CSMD2: variants seen among roughly 807,000 people sequenced by gnomAD.
CSMD2 encodes CUB and sushi domain-containing protein 2.
Under a neutral mutation model 398.5 loss-of-function variants are expected in CSMD2, and 130 were observed. That is an observed-to-expected ratio of 0.33 (90% CI 0.28 to 0.38). The LOEUF is 0.38. CSMD2 is among the 10% of genes least tolerant of loss of function. The pLI is 1.00. For missense variants in CSMD2, 3,829 were observed against 4,764.9 expected (o/e 0.80, Z 5.78); for synonymous variants, 1,828 against 1,908.5 (o/e 0.96, Z 1.10).
chr1:34,040,214 A>AG (rs1039443095), intron 2 of CSMD2, among the ~76,000 whole-genome samples: 1 of 150,796 alleles, frequency 6.6e-6, no homozygotes, highest in African/African-American at 2.4e-5. Flanking sequence ...AATTAAAAAA[A>AG]AAATAATAAA....
At chr1:33,671,940 C>A (rs182545137) in intron 25 of CSMD2, among the ~76,000 whole-genome samples, 1 of 152,316 alleles carries the variant, frequency 6.6e-6, no homozygotes, top group East Asian at 1.9e-4. Flanking sequence ...TGATTCCCAC[C>A]TCCCTGCTTA....
rs779988397 is a variant in CSMD2 at position 33,519,911 on chromosome 1, C to T, written c.10637G>A (p.Arg3546His). 10 of 1,614,014 alleles carry T rather than the reference C, an allele frequency of 6.2e-6. No individual in the cohort carries two copies. The highest frequency in any genetic ancestry group is 3.3e-5 in the South Asian group (3 of 91,086). Residue 3546 changes from arginine (R) to histidine (H), a missense_variant, in exon 69 of 71, where the codon CGC becomes CAC. Physicochemically the swap from Arg to His is conservative, Grantham distance 29 (BLOSUM62 0). Around this residue, in one of 5 missense-constraint regions of CSMD2, gnomAD observed 917 missense variants for 1,199.5 expected, o/e 0.76. Coordinates refer to ENST00000373381, the MANE Select transcript of CSMD2 (RefSeq NM_001281956.2). The surrounding 1 kb of genome is among the most constrained non-coding windows in gnomAD (Gnocchi z 5.6). ...LLESDPESIG[R>H]HFASNSSSVA... ...TGAGCTGCTGTTGGAAGCAAAGTGGCGGCCAATGGACTCGGGGTCTGACTC... is the reference window on the plus strand; with the variant it reads ...TGAGCTGCTGTTGGAAGCAAAGTGGTGGCCAATGGACTCGGGGTCTGACTC...
In CSMD2 at chr1:34,164,188, C is replaced by T. The variant is rs991911696; in HGVS notation, c.187+723G>A. Among the ~76,000 whole-genome samples, 12 of 152,140 alleles carry T rather than the reference C, an allele frequency of 7.9e-5. No homozygotes were observed. Among genetic ancestry groups the T allele is most frequent in the East Asian group, 3.9e-4 (2 of 5,144 alleles). On this transcript the variant is annotated intron_variant, in intron 1 of 70. Coordinates refer to ENST00000373381, the MANE Select transcript of CSMD2 (RefSeq NM_001281956.2). The surrounding 1 kb of genome is among the most constrained non-coding windows in gnomAD (Gnocchi z 6.2). ...GCGAAGCCTGGCGGCGGCACTCCCT[C>T]CCCCGCCTCGGGCTACAACCCCCAC...
Position 33,701,412 on chromosome 1 carries a change from C to T in CSMD2, c.3577-739G>A, listed in dbSNP as rs1194077233. 6.6e-5 allele frequency among the ~76,000 whole-genome samples: 10 copies of T among 152,234 alleles called. 1 individual carries two copies. Among genetic ancestry groups the T allele is most frequent in the Admixed American group, 6.5e-4 (10 of 15,286 alleles). On this transcript the variant is annotated intron_variant, in intron 22 of 70. Transcript: ENST00000373381. ...AATAATGAACTGGCTCCCCAGGTTT[C>T]AAGGTTGCTGCTCCTTTCCAGATAA...
intron 5 of CSMD2, among the ~76,000 whole-genome samples, chr1:33,888,186 C>T (rs1558056453): frequency 6.6e-6 from 1 of 152,116 alleles, no homozygotes; most frequent in Non-Finnish European, 1.5e-5. Flanking sequence ...TTAATTCTCT[C>T]CAAATCAATC....
intron 10 of CSMD2, among the ~76,000 whole-genome samples, chr1:33,801,024 C>T (rs765507126): frequency 7.2e-5 from 11 of 152,094 alleles, no homozygotes; most frequent in Non-Finnish European, 1.0e-4. Flanking sequence ...CACTAGCTGC[C>T]GATCACCTGC....
intron 29 of CSMD2, among the ~76,000 whole-genome samples, chr1:33,645,382 CACACACACACATAT>C (rs1406967101): frequency 2.0e-5 from 3 of 147,520 alleles, no homozygotes; most frequent in Non-Finnish European, 4.5e-5. Flanking sequence ...CACACACACA[CACACACACACATAT>C]ATAAAATATG....
At chr1:33,553,526 T>C (rs925442466) in intron 55 of CSMD2, among the ~76,000 whole-genome samples, 1 of 152,232 alleles carries the variant, frequency 6.6e-6, no homozygotes, top group Admixed American at 6.5e-5. Context: ...GGCCAGTTAA[T>C]AGCCCTATGA....
At chr1:33,521,380 C>A (rs926101319) in intron 68 of CSMD2, 83 bp downstream of exon 68, 58 of 949,634 alleles carry the variant, frequency 6.1e-5, no homozygotes, top group Non-Finnish European at 9.7e-5. Flanking sequence ...TTCAACTTCC[C>A]CAGTCCTCTA....
chr1:33,897,778 C>T (rs1570435133), intron 5 of CSMD2, among the ~76,000 whole-genome samples: 1 of 152,234 alleles, frequency 6.6e-6, no homozygotes, highest in African/African-American at 2.4e-5. Flanking sequence ...GAGGGAAATA[C>T]AAAATGAGTT....
At chr1:33,543,056 G>A (rs1314926198) in intron 57 of CSMD2, among the ~76,000 whole-genome samples, 160 bp from the exon 58 acceptor site, 51 of 152,302 alleles carry the variant, frequency 3.3e-4, no homozygotes, top group African/African-American at 1.2e-3. Flanking sequence ...CCCCTAGACA[G>A]GAAGGAGAGA....
At chr1:33,836,389 C>G (rs1391124652) in intron 6 of CSMD2, among the ~76,000 whole-genome samples, 1 of 152,212 alleles carries the variant, frequency 6.6e-6, no homozygotes, top group Non-Finnish European at 1.5e-5. Flanking sequence ...CTCTTCAAAG[C>G]TGTCAGACAG....
At chr1:33,998,554 C>T (rs770563850) in intron 3 of CSMD2, among the ~76,000 whole-genome samples, 10 of 152,308 alleles carry the variant, frequency 6.6e-5, no homozygotes, top group East Asian at 5.8e-4. Context: ...TCTCACGCAA[C>T]GCTGCTCAGA....
At chr1:33,813,882 T>C (rs1657149389) in intron 9 of CSMD2, 1 of 152,672 alleles carries the variant, frequency 6.5e-6, no homozygotes, top group African/African-American at 2.4e-5. Flanking sequence ...CAAATCCTAC[T>C]TGTAGCTGCA....
At chr1:33,779,804 T>C (rs1652475909) in intron 12 of CSMD2, among the ~76,000 whole-genome samples, 1 of 152,208 alleles carries the variant, frequency 6.6e-6, no homozygotes, top group Non-Finnish European at 1.5e-5. Context: ...AATTGGTAAG[T>C]TCCTTGAGGA....
chr1:33,605,526 C>T (rs1460677714), intron 41 of CSMD2, 56 bp from the exon 42 acceptor site: 35 of 1,553,050 alleles, frequency 2.3e-5, no homozygotes, highest in Non-Finnish European at 2.7e-5. Context: ...AAAATAGGAG[C>T]GGCAGAAAGC....
intron 2 of CSMD2, among the ~76,000 whole-genome samples, chr1:34,050,151 G>C (rs972318606): frequency 1.3e-5 from 2 of 152,186 alleles, no homozygotes; most frequent in African/African-American, 4.8e-5. Context: ...AGCCCAAAGA[G>C]ACCAAAACAG....
At chr1:33,788,860 C>T (rs907725930) in intron 11 of CSMD2, 148 bp from the exon 12 acceptor site, 7 of 608,626 alleles carry the variant, frequency 1.2e-5, no homozygotes, top group African/African-American at 9.3e-5. Flanking sequence ...ACTCTGGAGC[C>T]CAGCAGCATG....
intron 2 of CSMD2, among the ~76,000 whole-genome samples, chr1:34,084,395 T>C (rs1018359343): frequency 7.9e-5 from 12 of 152,076 alleles, no homozygotes; most frequent in Non-Finnish European, 1.0e-4. Context: ...CTAATTAAAC[T>C]AAAGAGCTTC....
Sources: allele counts gnomAD v4.1 joint callset (sites outside exome capture counted in the v4.1 genomes callset), GRCh38; gene constraint gnomAD v4.1.1; regional missense constraint gnomAD v4.1.1; non-coding constraint Gnocchi (gnomAD v3.1); transcripts MANE v1.5; gene names NCBI Gene and HGNC (gene_info 2026-07-23, HGNC 2026-07-21).